DAP: variants seen among roughly 807,000 people sequenced by gnomAD.
DAP encodes death-associated protein 1.
DAP carries 8 observed loss-of-function variants against 13.8 expected under a neutral mutation model. The ratio of observed to expected loss-of-function variants is 0.58; its 90% confidence interval spans 0.34 to 1.05. The LOEUF (loss-of-function observed/expected upper bound fraction) is 1.05, where lower values mean the gene tolerates loss of function less well. Ranked by LOEUF, DAP falls within the 50% of genes least tolerant of loss-of-function variation. DAP has a pLI of 0.03. For missense variants in DAP, 106 were observed against 133.2 expected (o/e 0.80, Z 1.01); for synonymous variants, 47 against 47.5 (o/e 0.99, Z 0.04).
intron 1 of DAP, among the ~76,000 whole-genome samples, chr5:10,759,726 GAGA>G (rs1740290450): frequency 1.4e-5 from 2 of 147,146 alleles, no homozygotes; most frequent in East Asian, 2.0e-4. Flanking sequence ...GAGGACAGCA[GAGA>G]AGGATAATGG....
At chr5:10,718,131 G>A (rs1202230876) in intron 2 of DAP, among the ~76,000 whole-genome samples, 1 of 152,186 alleles carries the variant, frequency 6.6e-6, no homozygotes, top group African/African-American at 2.4e-5. Flanking sequence ...TGTGGATTGG[G>A]GAAAGGGAAA....
intron 2 of DAP, among the ~76,000 whole-genome samples, chr5:10,741,733 C>A (rs891297309): frequency 6.6e-6 from 1 of 152,082 alleles, no homozygotes; most frequent in Non-Finnish European, 1.5e-5. Context: ...TATTTGTAAC[C>A]CCAAAATCAA....
chr5:10,708,459 A>ACACACG (rs984723003), intron 2 of DAP, among the ~76,000 whole-genome samples: 1 of 150,350 alleles, frequency 6.7e-6, no homozygotes, highest in East Asian at 2.1e-4. Flanking sequence ...ACACACACAC[A>ACACACG]CACACGCACA....
At chr5:10,744,546 G>C (rs2126675963) in intron 2 of DAP, among the ~76,000 whole-genome samples, 1 of 152,326 alleles carries the variant, frequency 6.6e-6, no homozygotes, top group Admixed American at 6.5e-5. Context: ...GAATCAGTAA[G>C]TTTCATTTAC....
intron 2 of DAP, among the ~76,000 whole-genome samples, chr5:10,745,272 C>T (rs16885282): frequency 0.037 from 5,558 of 152,212 alleles, 317 homozygotes; most frequent in African/African-American, 0.12. Flanking sequence ...AGGCTTACCC[C>T]GTTCTGTAAA....
At chr5:10,757,569 C>T (rs771322132) in intron 1 of DAP, among the ~76,000 whole-genome samples, 11 of 152,162 alleles carry the variant, frequency 7.2e-5, no homozygotes, top group African/African-American at 2.7e-4. Context: ...CCACGACACC[C>T]GGCTCTGGGT....
intron 2 of DAP, among the ~76,000 whole-genome samples, chr5:10,736,328 C>A (rs1299623853): frequency 6.6e-6 from 1 of 152,222 alleles, no homozygotes. Flanking sequence ...AGGCAGCCAG[C>A]CTGCCTGGAA....
intron 2 of DAP, among the ~76,000 whole-genome samples, chr5:10,727,420 T>C (rs1739315820): frequency 6.6e-6 from 1 of 152,194 alleles, no homozygotes; most frequent in Non-Finnish European, 1.5e-5. Context: ...AAGCTGAGAC[T>C]TGACGTTTGG....
At chr5:10,730,071 C>G (rs1739396029) in intron 2 of DAP, among the ~76,000 whole-genome samples, 1 of 152,222 alleles carries the variant, frequency 6.6e-6, no homozygotes, top group Admixed American at 6.5e-5. Flanking sequence ...CTTCACTGCC[C>G]CTTGCCTTCT....
chr5:10,759,141 C>T (rs556726847), intron 1 of DAP, among the ~76,000 whole-genome samples: 2 of 152,222 alleles, frequency 1.3e-5, no homozygotes, highest in African/African-American at 2.4e-5. Flanking sequence ...GAGCCAAGAT[C>T]GTGCCACTGC....
At chr5:10,745,837 G>C (rs1026757054) in intron 2 of DAP, among the ~76,000 whole-genome samples, 2 of 152,112 alleles carry the variant, frequency 1.3e-5, no homozygotes, top group Non-Finnish European at 2.9e-5. Flanking sequence ...CTTCCTTGGG[G>C]AAACAGATGG....
At chr5:10,739,201 CAAAAAAAAAAAAAAAAAA>C (rs10644743) in intron 2 of DAP, among the ~76,000 whole-genome samples, 2 of 71,604 alleles carry the variant, frequency 2.8e-5, no homozygotes, top group African/African-American at 1.1e-4. Context: ...GACTCTGAAT[CAAAAAAAAAAAAAAAAAA>C]AAAAAAAGAA....
chr5:10,711,140 TGTTTTGAAATGAGGGGAGAGAAAAGG>T (rs1561017031), intron 2 of DAP, among the ~76,000 whole-genome samples: 1 of 152,166 alleles, frequency 6.6e-6, no homozygotes, highest in Non-Finnish European at 1.5e-5. Context: ...CACACTCCCA[TGTTTTGAAATGAGGGGAGAGAAAAGG>T]GTTTTGCTCT....
chr5:10,697,094 T>TG (rs1330063572), intron 2 of DAP, among the ~76,000 whole-genome samples: 6 of 152,160 alleles, frequency 3.9e-5, no homozygotes, highest in South Asian at 2.1e-4. Flanking sequence ...TGGAACATAC[T>TG]GGGGGGAAGC....
intron 2 of DAP, among the ~76,000 whole-genome samples, chr5:10,730,851 T>C (rs1739439955): frequency 1.5e-5 from 2 of 129,366 alleles, no homozygotes; most frequent in African/African-American, 3.0e-5. Context: ...GGGGGAAATC[T>C]TTCTCTACTG....
At chr5:10,699,636 C>A (rs952437133) in intron 2 of DAP, among the ~76,000 whole-genome samples, 1 of 152,224 alleles carries the variant, frequency 6.6e-6, no homozygotes, top group Non-Finnish European at 1.5e-5. Flanking sequence ...AAGACTGATC[C>A]TCCATCAGGG....
chr5:10,684,603 T>G (rs1419927528), intron 2 of DAP, among the ~76,000 whole-genome samples: 4 of 152,236 alleles, frequency 2.6e-5, no homozygotes, highest in African/African-American at 4.8e-5. Flanking sequence ...CGTGCTTGTC[T>G]TCTTATTAAC....
At chr5:10,697,843 G>A (rs1738472140) in intron 2 of DAP, among the ~76,000 whole-genome samples, 1 of 152,170 alleles carries the variant, frequency 6.6e-6, no homozygotes, top group Non-Finnish European at 1.5e-5. Flanking sequence ...GCTGTCACTA[G>A]GATGTTTTTG....
chr5:10,760,648 A>C (rs1344986021), intron 1 of DAP, among the ~76,000 whole-genome samples: 1 of 152,232 alleles, frequency 6.6e-6, no homozygotes, highest in African/African-American at 2.4e-5. Context: ...TGCTTCTGCT[A>C]CTTTCTTTCT....
Sources: gnomAD v4.1 joint callset for allele counts (sites outside exome capture counted in the v4.1 genomes callset) on GRCh38, gnomAD v4.1.1 for gene constraint, MANE v1.5 for transcripts, NCBI Gene and HGNC (gene_info 2026-07-23, HGNC 2026-07-21) for gene names.